Variants in POU6F2 observed in about 807,000 individuals in gnomAD.
POU6F2 encodes POU domain, class 6, transcription factor 2.
Under a neutral mutation model 71.3 loss-of-function variants are expected in POU6F2, and 31 were observed. The observed-to-expected ratio is 0.43, with a 90% CI of 0.33 to 0.59. POU6F2 has a LOEUF of 0.59. Ranked by LOEUF, POU6F2 falls within the 20% of genes least tolerant of loss-of-function variation. POU6F2 has a pLI of 0.04. For synonymous variants in POU6F2, 347 were observed against 355.7 expected (o/e 0.98, Z 0.27); for missense variants, 783 against 856.8 (o/e 0.91, Z 1.07).
At chr7:39,416,464 C>CAG (rs992595391) in intron 6 of POU6F2, among the ~76,000 whole-genome samples, 3 of 152,168 alleles carry the variant, frequency 2.0e-5, no homozygotes, top group African/African-American at 7.2e-5. Flanking sequence ...AGTGAATCTT[C>CAG]TGTTGTGCTG....
chr7:39,259,350 G>A (rs769182570), intron 4 of POU6F2, among the ~76,000 whole-genome samples: 33 of 152,108 alleles, frequency 2.2e-4, no homozygotes, highest in African/African-American at 4.8e-4. Context: ...AGAAGTTTCC[G>A]GCCTTTGGAA....
intron 4 of POU6F2, among the ~76,000 whole-genome samples, chr7:39,219,524 A>G (rs1794308644): frequency 6.6e-6 from 1 of 152,128 alleles, no homozygotes; most frequent in Non-Finnish European, 1.5e-5. Flanking sequence ...ATAGGGAAGG[A>G]TATTTGTGCT....
rs1429694525 is a variant in POU6F2 at position 39,465,787 on chromosome 7, A to G, written c.*1101A>G. On this transcript the variant is annotated 3_prime_UTR_variant, in exon 10 of 10. Transcript: ENST00000518318. ...TTTTCTCAGTCTGTTGGCCACGTACATGGAGAGCTGACCAAAACTAATTTT... is the reference window on the plus strand; with the variant it reads ...TTTTCTCAGTCTGTTGGCCACGTACGTGGAGAGCTGACCAAAACTAATTTT... 6.6e-6 allele frequency: 1 copy of G among 152,252 alleles called. No individual in the cohort carries two copies. The highest frequency in any genetic ancestry group is 1.5e-5 in the Non-Finnish European group (1 of 68,060). The allele number at this position is 152,252 out of a possible 1,614,324, so 9.4% of individuals were successfully genotyped here. A position where few individuals can be genotyped will look rare whatever the true frequency, so the allele number is the denominator to read the frequency against.
At chr7:39,131,214 T>C (rs140585164) in intron 2 of POU6F2, among the ~76,000 whole-genome samples, 2 of 151,928 alleles carry the variant, frequency 1.3e-5, no homozygotes, top group Non-Finnish European at 2.9e-5. Flanking sequence ...TGAACCAGAG[T>C]GGTGATCCAC....
At chr7:39,207,648 A>G in intron 4 of POU6F2, 28 bp downstream of exon 4, 2 of 1,594,484 alleles carry the variant, frequency 1.3e-6, no homozygotes, top group Non-Finnish European at 8.6e-7. Flanking sequence ...TGCGCCACGT[A>G]AGGCTCTACC....
intron 1 of POU6F2, among the ~76,000 whole-genome samples, chr7:39,016,634 A>G (rs1392289207): frequency 6.6e-6 from 1 of 152,174 alleles, no homozygotes; most frequent in Non-Finnish European, 1.5e-5. Context: ...ATGAAACAGT[A>G]GTAAGTGTTA....
chr7:39,165,225 G>A (rs1793088642), intron 2 of POU6F2, among the ~76,000 whole-genome samples: 1 of 152,156 alleles, frequency 6.6e-6, no homozygotes, highest in Non-Finnish European at 1.5e-5. Flanking sequence ...TGTCTCAGGT[G>A]AGACTAACCC....
chr7:39,374,189 T>C (rs1245024238), intron 5 of POU6F2, among the ~76,000 whole-genome samples: 2 of 152,220 alleles, frequency 1.3e-5, no homozygotes, highest in Non-Finnish European at 2.9e-5. Flanking sequence ...TCATTATACA[T>C]GCCAAGCACT....
chr7:39,421,847 C>G (rs745837213), intron 6 of POU6F2, among the ~76,000 whole-genome samples: 1 of 152,170 alleles, frequency 6.6e-6, no homozygotes, highest in Non-Finnish European at 1.5e-5. Context: ...AACAGGTGTT[C>G]TCCCAAGCAA....
At chr7:39,056,678 A>ATGTGTGTGTGTGTGTG (rs3057270) in intron 1 of POU6F2, among the ~76,000 whole-genome samples, 54 of 142,116 alleles carry the variant, frequency 3.8e-4, no homozygotes, top group African/African-American at 1.3e-3. Flanking sequence ...GTGTGTGTGT[A>ATGTGTGTGTGTGTGTG]TGTGTGTGTG....
chr7:39,408,786 A>G (rs1018141840), intron 6 of POU6F2, among the ~76,000 whole-genome samples: 7 of 152,222 alleles, frequency 4.6e-5, no homozygotes, highest in African/African-American at 1.4e-4. Flanking sequence ...CTTCCAGTGG[A>G]TAATTGGCCA....
At position 39,442,793 on chromosome 7, in the gene POU6F2, G is replaced by C. The variant is rs566828100; in HGVS notation, c.1321-8740G>C. 2.0e-5 allele frequency among the ~76,000 whole-genome samples: 3 copies of C among 152,326 alleles called. No homozygotes were observed. In the South Asian group the frequency reaches 6.2e-4, roughly 32 times the overall value. On this transcript the variant is annotated intron_variant, in intron 7 of 9. Transcript: ENST00000518318. ...AAAACCTTTTCTGTCAGCAAAGCCA[G>C]TTGTAAATTGCCAAAAAGGTGATGA...
chr7:39,209,223 G>A (rs189225380), intron 4 of POU6F2, among the ~76,000 whole-genome samples: 4 of 152,158 alleles, frequency 2.6e-5, no homozygotes, highest in Admixed American at 6.5e-5. Flanking sequence ...CATTATTAGC[G>A]TATAGTTTGG....
At chr7:39,190,591 G>T (rs1343044307) in intron 2 of POU6F2, among the ~76,000 whole-genome samples, 4 of 150,204 alleles carry the variant, frequency 2.7e-5, no homozygotes, top group Non-Finnish European at 5.9e-5. Context: ...TCAAGGACTG[G>T]GTGTTTCTTT....
At chr7:39,337,209 T>G (rs1289379027) in intron 4 of POU6F2, among the ~76,000 whole-genome samples, 1 of 152,242 alleles carries the variant, frequency 6.6e-6, no homozygotes, top group Non-Finnish European at 1.5e-5. Flanking sequence ...AGACACGGCT[T>G]TACCGTAACT....
At chr7:38,993,646 A>ACACACACACACG (rs1379408807) in intron 1 of POU6F2, among the ~76,000 whole-genome samples, 10 of 150,496 alleles carry the variant, frequency 6.6e-5, no homozygotes, top group African/African-American at 2.2e-4. Flanking sequence ...ACACACACAC[A>ACACACACACACG]CATCAGTGGT....
chr7:39,363,263 CAG>C (rs942110592), intron 5 of POU6F2, among the ~76,000 whole-genome samples: 7 of 152,068 alleles, frequency 4.6e-5, no homozygotes, highest in African/African-American at 1.7e-4. Context: ...GTAAGGAAAA[CAG>C]AGGAGTCAAG....
chr7:39,293,497 C>T (rs1432909137), intron 4 of POU6F2, among the ~76,000 whole-genome samples: 3 of 151,090 alleles, frequency 2.0e-5, no homozygotes, highest in African/African-American at 7.3e-5. Context: ...TTTCTTCATT[C>T]CTTTTTGTTG....
chr7:39,015,455 AT>A, intron 1 of POU6F2, among the ~76,000 whole-genome samples: 3 of 125,042 alleles, frequency 2.4e-5, no homozygotes, highest in Non-Finnish European at 4.7e-5. Context: ...AATATATATT[AT>A]TATATATAGA....
Sources: gnomAD v4.1 joint callset for allele counts (sites outside exome capture counted in the v4.1 genomes callset) on GRCh38, gnomAD v4.1.1 for gene constraint, MANE v1.5 for transcripts, NCBI Gene and HGNC (gene_info 2026-07-23, HGNC 2026-07-21) for gene names.